SDK1: variants seen among roughly 807,000 people sequenced by gnomAD.
SDK1 encodes the protein protein sidekick-1.
SDK1 carries 157 observed loss-of-function variants against 245.5 expected under a neutral mutation model. The observed-to-expected ratio is 0.64, with a 90% CI of 0.56 to 0.73. The LOEUF is 0.73. Ranked by LOEUF, SDK1 falls within the 30% of genes least tolerant of loss-of-function variation. The pLI, the probability that SDK1 is intolerant of heterozygous loss-of-function variation, is 0.00. For missense variants in SDK1, 3,583 were observed against 3,002.3 expected (o/e 1.19, Z -4.52); for synonymous variants, 1,647 against 1,278.5 (o/e 1.29, Z -6.15).
chr7:3,487,040 A>T (rs1048823581), intron 1 of SDK1, among the ~76,000 whole-genome samples: 2 of 152,200 alleles, frequency 1.3e-5, no homozygotes, highest in African/African-American at 4.8e-5. Flanking sequence ...GCTTCTGTCA[A>T]AACCACTCAG....
intron 5 of SDK1, among the ~76,000 whole-genome samples, chr7:3,903,406 A>G (rs953464072): frequency 6.6e-6 from 1 of 152,162 alleles, no homozygotes. Flanking sequence ...TCGGCCTCCC[A>G]AAGTGCTTGG....
intron 1 of SDK1, among the ~76,000 whole-genome samples, chr7:3,370,257 G>A (rs1055273469): frequency 6.6e-6 from 1 of 152,170 alleles, no homozygotes; most frequent in African/African-American, 2.4e-5. Context: ...CAGACAAGTG[G>A]TGTTTTTCAG....
intron 1 of SDK1, among the ~76,000 whole-genome samples, chr7:3,348,415 G>C (rs1187875199): frequency 6.6e-6 from 1 of 152,166 alleles, no homozygotes; most frequent in African/African-American, 2.4e-5. Flanking sequence ...GTAGCAAGGT[G>C]GGTGCAGCTG....
At position 3,913,794 on chromosome 7, in the gene SDK1, C is replaced by A. The variant is rs561146401; in HGVS notation, c.848-37129C>A. On this transcript the variant is annotated intron_variant, in intron 5 of 44. Transcript: ENST00000404826. The stretch of plus-strand genomic sequence containing the variant: ...AAACATATTTTGGGGTAGACAGATG[C>A]TGACCCCTGACAATTTCTCTTTGAT... Among the ~76,000 whole-genome samples, 3 of 152,276 alleles carry A rather than the reference C, an allele frequency of 2.0e-5. No homozygotes were observed. The South Asian group carries it at 6.2e-4, about 32-fold the overall frequency.
chr7:3,644,308 C>T (rs1782752317), intron 4 of SDK1, among the ~76,000 whole-genome samples: 1 of 150,500 alleles, frequency 6.6e-6, no homozygotes, highest in Admixed American at 6.6e-5. Context: ...ATACCAGTTA[C>T]CTTAGAAGAT....
At chr7:3,316,349 A>C (rs1274380961) in intron 1 of SDK1, among the ~76,000 whole-genome samples, 1 of 152,150 alleles carries the variant, frequency 6.6e-6, no homozygotes, top group Non-Finnish European at 1.5e-5. Context: ...TGTTCAGTAC[A>C]GTAACATGCT....
chr7:3,906,493 C>T (rs1778940157), intron 5 of SDK1, among the ~76,000 whole-genome samples: 2 of 151,944 alleles, frequency 1.3e-5, no homozygotes, highest in Admixed American at 1.3e-4. Flanking sequence ...TGAACTGTGC[C>T]TTACCATCAA....
chr7:3,766,699 T>A (rs561234771), intron 4 of SDK1, among the ~76,000 whole-genome samples: 180 of 152,330 alleles, frequency 1.2e-3, no homozygotes, highest in African/African-American at 4.2e-3. Flanking sequence ...AATATAAAGC[T>A]AATATTAATA....
At chr7:3,302,171 T>G in intron 1 of SDK1, 1 of 158,826 alleles carries the variant, frequency 6.3e-6, no homozygotes, top group African/African-American at 2.4e-5. Context: ...CTCAGCTCCT[T>G]AAAAGGATGC....
chr7:4,219,224 G>A (rs541837618), intron 38 of SDK1, among the ~76,000 whole-genome samples: 12 of 152,288 alleles, frequency 7.9e-5, no homozygotes, highest in African/African-American at 1.7e-4. Context: ...CCTGTAGGCC[G>A]CAAGTTGGCC....
chr7:3,884,183 C>T lies in SDK1; in HGVS notation c.847+62600C>T, dbSNP rs368395309. On this transcript the variant is annotated intron_variant, in intron 5 of 44. Coordinates refer to ENST00000404826, the MANE Select transcript of SDK1 (RefSeq NM_152744.4). ...GCAGCCTCGACCTCCTGGGCTCAAGCGATCCTCCCACCTCAGCCTCCGAAA... is the reference window on the plus strand; with the variant it reads ...GCAGCCTCGACCTCCTGGGCTCAAGTGATCCTCCCACCTCAGCCTCCGAAA... Among the ~76,000 whole-genome samples, 355 of 151,768 alleles carry T rather than the reference C, an allele frequency of 2.3e-3. 6 individuals carry two copies. The South Asian group carries it at 0.028, about 12-fold the overall frequency.
At chr7:3,883,202 C>T (rs1194821354) in intron 5 of SDK1, among the ~76,000 whole-genome samples, 2 of 152,188 alleles carry the variant, frequency 1.3e-5, no homozygotes, top group Non-Finnish European at 2.9e-5. Flanking sequence ...AGGCTTCGAC[C>T]AGAGAAGCCT....
chr7:3,727,081 G>A (rs1422632750), intron 4 of SDK1, among the ~76,000 whole-genome samples: 3 of 152,210 alleles, frequency 2.0e-5, no homozygotes, highest in Admixed American at 6.5e-5. Flanking sequence ...ACATGCTTCT[G>A]ATAAGAAAGC....
chr7:3,810,649 G>GT (rs1779361330), intron 4 of SDK1, among the ~76,000 whole-genome samples: 1 of 152,160 alleles, frequency 6.6e-6, no homozygotes, highest in South Asian at 2.1e-4. Flanking sequence ...TCCTTCACTA[G>GT]TTACATCAAC....
chr7:3,421,494 TAGA>T (rs1272395927), intron 1 of SDK1, among the ~76,000 whole-genome samples: 1 of 152,224 alleles, frequency 6.6e-6, no homozygotes, highest in African/African-American at 2.4e-5. Flanking sequence ...TACTTGCTGA[TAGA>T]AGACCTTTTG....
chr7:3,332,095 A>G (rs1314175057), intron 1 of SDK1, among the ~76,000 whole-genome samples: 4 of 152,194 alleles, frequency 2.6e-5, no homozygotes, highest in Non-Finnish European at 5.9e-5. Context: ...TATTCAAACT[A>G]TTATTTTCTT....
intron 42 of SDK1, among the ~76,000 whole-genome samples, chr7:4,239,663 C>T (rs774583186): frequency 6.6e-6 from 1 of 152,188 alleles, no homozygotes; most frequent in Non-Finnish European, 1.5e-5. Context: ...GCACGGCGCC[C>T]GGCCTATGGC....
chr7:3,817,458 G>T (rs896919923), intron 4 of SDK1, among the ~76,000 whole-genome samples: 4 of 152,192 alleles, frequency 2.6e-5, no homozygotes, highest in Non-Finnish European at 5.9e-5. Flanking sequence ...TTCTGCTCCA[G>T]TGGTGATCAG....
At chr7:3,837,056 G>A (rs528567716) in intron 5 of SDK1, among the ~76,000 whole-genome samples, 6 of 152,256 alleles carry the variant, frequency 3.9e-5, no homozygotes, top group Admixed American at 2.0e-4. Context: ...TAGAGACACC[G>A]CATGATCTCA....
Sources: gnomAD v4.1 joint callset for allele counts (sites outside exome capture counted in the v4.1 genomes callset) on GRCh38, gnomAD v4.1.1 for gene constraint, MANE v1.5 for transcripts, NCBI Gene and HGNC (gene_info 2026-07-23, HGNC 2026-07-21) for gene names.